The following AGBL4 variants were observed in gnomAD, a reference collection of about 807,000 sequenced individuals.
The protein encoded by AGBL4 is cytosolic carboxypeptidase 6.
Under a neutral mutation model 66.4 loss-of-function variants are expected in AGBL4, and 58 were observed. The ratio of observed to expected loss-of-function variants is 0.87; its 90% CI spans 0.71 to 1.09. AGBL4 has a LOEUF of 1.09. Among genes scored for constraint, AGBL4 ranks in the 50% least tolerant of loss-of-function variants. AGBL4 has a pLI of 0.00. For synonymous variants in AGBL4, 234 were observed against 222.9 expected, an observed-to-expected ratio of 1.05 and a Z score of -0.44; for missense variants, 579 against 631.0, an observed-to-expected ratio of 0.92 and a Z score of 0.88.
chr1:49,877,354 A>C (rs1048930793), intron 1 of AGBL4, among the ~76,000 whole-genome samples: 1 of 152,010 alleles, frequency 6.6e-6, no homozygotes, highest in African/African-American at 2.4e-5. Flanking sequence ...ATTTATTGAG[A>C]GTTTTTAGCT....
chr1:48,683,202 G>A (rs928441028), intron 6 of AGBL4, among the ~76,000 whole-genome samples: 2 of 152,204 alleles, frequency 1.3e-5, no homozygotes, highest in African/African-American at 4.8e-5. Flanking sequence ...CAAGTCCCAG[G>A]TGGTTCTGCG....
At chr1:49,329,181 T>A (rs1286634475) in intron 3 of AGBL4, among the ~76,000 whole-genome samples, 1 of 151,730 alleles carries the variant, frequency 6.6e-6, no homozygotes, top group African/African-American at 2.4e-5. Context: ...GTGGCACACA[T>A]CTGTAATCCC....
chr1:49,025,643 A>T (rs1041766350), intron 5 of AGBL4: 6 of 152,180 alleles, frequency 3.9e-5, no homozygotes, highest in Admixed American at 1.3e-4. Flanking sequence ...AGAGGAGGTG[A>T]CAAAGTGTGA....
At chr1:48,884,283 T>G (rs148599441) in intron 5 of AGBL4, among the ~76,000 whole-genome samples, 28 of 141,506 alleles carry the variant, frequency 2.0e-4, no homozygotes, top group Non-Finnish European at 3.2e-4. Flanking sequence ...AGTTACAATT[T>G]GTTTTTGTTT....
At chr1:48,748,495 G>A (rs1651123401) in intron 6 of AGBL4, among the ~76,000 whole-genome samples, 1 of 152,176 alleles carries the variant, frequency 6.6e-6, no homozygotes, top group Non-Finnish European at 1.5e-5. Context: ...AGAAAAACTG[G>A]GGCAGAAGCA....
chr1:49,944,054 A>G (rs1433725951), intron 1 of AGBL4, among the ~76,000 whole-genome samples: 1 of 151,922 alleles, frequency 6.6e-6, no homozygotes, highest in East Asian at 1.9e-4. Context: ...AGACCTGCCC[A>G]AGGAAAGTCT....
At chr1:49,549,185 T>G (rs994248988) in intron 3 of AGBL4, among the ~76,000 whole-genome samples, 1 of 152,144 alleles carries the variant, frequency 6.6e-6, no homozygotes, top group African/African-American at 2.4e-5. Context: ...TTCTCTCTTT[T>G]CTTGGTTAAT....
At chr1:49,906,116 CTGTGTGTGTGTGTGTGTG>C (rs59711282) in intron 1 of AGBL4, among the ~76,000 whole-genome samples, 1 of 147,296 alleles carries the variant, frequency 6.8e-6, no homozygotes. Context: ...AAACAGGACT[CTGTGTGTGTGTGTGTGTG>C]TGTGTGTGTG....
In AGBL4 at chr1:49,677,511, T is replaced by A. The variant is rs182915471; in HGVS notation, c.282+19802A>T. Among the ~76,000 whole-genome samples, 7 of 152,254 alleles carry A rather than the reference T, an allele frequency of 4.6e-5. No homozygotes were observed. In the East Asian group the frequency reaches 1.4e-3, roughly 29 times the overall value. ...TAAATTCTCTTTACAAATATTTTGT[T>A]CACAAATTTTGCATCCATATTGGTC... is the stretch of plus-strand genomic sequence containing the variant. On this transcript the variant is annotated intron_variant, in intron 3 of 13. Coordinates refer to ENST00000371839, the MANE Select transcript of AGBL4 (RefSeq NM_032785.4).
intron 2 of AGBL4, among the ~76,000 whole-genome samples, chr1:49,726,932 C>G (rs115635516): frequency 0.03 from 4,569 of 152,192 alleles, 118 homozygotes; most frequent in Non-Finnish European, 0.047. Context: ...TAAACAAAAA[C>G]TCTTGAGTAA....
At chr1:49,158,424 C>G (rs1343116223) in intron 4 of AGBL4, among the ~76,000 whole-genome samples, 2 of 152,154 alleles carry the variant, frequency 1.3e-5, no homozygotes, top group African/African-American at 4.8e-5. Context: ...GCACTGTGGT[C>G]TGAGAGACTG....
chr1:49,132,048 G>A (rs1376212912), intron 4 of AGBL4, among the ~76,000 whole-genome samples: 1 of 152,044 alleles, frequency 6.6e-6, no homozygotes, highest in Non-Finnish European at 1.5e-5. Context: ...GATAAAAGAT[G>A]AGGACCAAGG....
chr1:48,773,135 A>T (rs1644916678), intron 6 of AGBL4, among the ~76,000 whole-genome samples: 1 of 152,224 alleles, frequency 6.6e-6, no homozygotes, highest in African/African-American at 2.4e-5. Flanking sequence ...GTAAGGAGAC[A>T]TCTGAAACAA....
At chr1:49,871,078 A>C (rs528125462) in intron 1 of AGBL4, among the ~76,000 whole-genome samples, 3 of 152,202 alleles carry the variant, frequency 2.0e-5, no homozygotes, top group Non-Finnish European at 4.4e-5. Context: ...TGCGAGGGCC[A>C]ATTGTGGGAG....
chr1:49,314,223 C>T (rs149306), intron 3 of AGBL4, among the ~76,000 whole-genome samples: 1 of 151,990 alleles, frequency 6.6e-6, no homozygotes, highest in East Asian at 1.9e-4. Flanking sequence ...TTCCATTGGT[C>T]TATGTATCTG....
chr1:48,535,048 G>A, intron 12 of AGBL4, 132 bp from the exon 13 acceptor site: 1 of 848,976 alleles, frequency 1.2e-6, no homozygotes, highest in Non-Finnish European at 1.8e-6. Flanking sequence ...ACGTAAGTAT[G>A]TTTTTATGGG....
chr1:49,920,598 C>T (rs1652119661), intron 1 of AGBL4, among the ~76,000 whole-genome samples: 2 of 152,140 alleles, frequency 1.3e-5, no homozygotes, highest in Admixed American at 1.3e-4. Flanking sequence ...ACAACAGGTG[C>T]TGGAGAGGAT....
At chr1:49,206,920 G>C (rs1648192470) in intron 4 of AGBL4, among the ~76,000 whole-genome samples, 1 of 140,170 alleles carries the variant, frequency 7.1e-6, no homozygotes, top group African/African-American at 2.6e-5. Flanking sequence ...GGAGAGGAGA[G>C]GAGGTAGGAA....
chr1:49,512,754 C>A (rs1649391966), intron 3 of AGBL4, among the ~76,000 whole-genome samples: 2 of 151,780 alleles, frequency 1.3e-5, no homozygotes. Flanking sequence ...CACAAACAGA[C>A]TAACACAACT....
Sources: allele counts gnomAD v4.1 joint callset (sites outside exome capture counted in the v4.1 genomes callset), GRCh38; gene constraint gnomAD v4.1.1; transcripts MANE v1.5; gene names NCBI Gene and HGNC (gene_info 2026-07-23, HGNC 2026-07-21).